SLC2A13: variants seen among roughly 807,000 people sequenced by gnomAD.
SLC2A13 encodes solute carrier family 2 member 13.
SLC2A13 carries 32 observed loss-of-function variants against 64.4 expected under a neutral mutation model. That is an observed-to-expected ratio of 0.50 (90% CI 0.37 to 0.67). The LOEUF is 0.67. SLC2A13 is among the 30% of genes least tolerant of loss of function. The pLI is 0.00. For missense variants in SLC2A13, 743 were observed against 829.2 expected (o/e 0.90, Z 1.28); for synonymous variants, 338 against 327.1 (o/e 1.03, Z -0.36).
At chr12:39,764,892 T>C (rs770073467) in intron 7 of SLC2A13, 34 bp from the exon 8 acceptor site, 4 of 1,598,000 alleles carry the variant, frequency 2.5e-6, no homozygotes, top group Non-Finnish European at 3.4e-6. Flanking sequence ...ATTAACTTAA[T>C]GTTTTTGACT....
At chr12:40,048,950 T>C (rs1447805145) in intron 1 of SLC2A13, among the ~76,000 whole-genome samples, 1 of 152,146 alleles carries the variant, frequency 6.6e-6, no homozygotes, top group African/African-American at 2.4e-5. Context: ...GGGGATGAGA[T>C]TGTCCTTTTA....
intron 1 of SLC2A13, among the ~76,000 whole-genome samples, chr12:40,070,848 C>T (rs893274281): frequency 6.6e-6 from 1 of 152,108 alleles, no homozygotes; most frequent in Admixed American, 6.6e-5. Flanking sequence ...CTCTGTTTGG[C>T]GTTTTTGTCA....
At chr12:40,027,434 G>A (rs1482242195) in intron 3 of SLC2A13, among the ~76,000 whole-genome samples, 2 of 152,184 alleles carry the variant, frequency 1.3e-5, no homozygotes, top group African/African-American at 2.4e-5. Context: ...ATCAAGCCAC[G>A]TGTGGCTAAC....
chr12:40,075,968 G>A (rs1419084442), intron 1 of SLC2A13, among the ~76,000 whole-genome samples: 1 of 152,076 alleles, frequency 6.6e-6, no homozygotes, highest in Non-Finnish European at 1.5e-5. Context: ...CATTGCAAGT[G>A]TTTTCACTTT....
chr12:40,002,211 T>C (rs1947331449), intron 3 of SLC2A13, among the ~76,000 whole-genome samples: 1 of 152,256 alleles, frequency 6.6e-6, no homozygotes, highest in Non-Finnish European at 1.5e-5. Flanking sequence ...CTAAGAACTT[T>C]GTGTGCACTG....
chr12:40,038,530 G>A (rs1948026563), intron 2 of SLC2A13, among the ~76,000 whole-genome samples: 1 of 152,070 alleles, frequency 6.6e-6, no homozygotes, highest in South Asian at 2.1e-4. Flanking sequence ...AGGAGTTTAA[G>A]ACAAGCCTGG....
At chr12:40,072,125 A>C (rs1486777853) in intron 1 of SLC2A13, among the ~76,000 whole-genome samples, 1 of 151,970 alleles carries the variant, frequency 6.6e-6, no homozygotes, top group Non-Finnish European at 1.5e-5. Context: ...TTTAGCTCTA[A>C]ATTTTTTGCT....
At chr12:39,829,896 A>G in intron 7 of SLC2A13, 1 of 620,466 alleles carries the variant, frequency 1.6e-6, no homozygotes, top group Non-Finnish European at 2.7e-6. Context: ...GGGTCTCCAA[A>G]AGTCTAGGCC....
intron 7 of SLC2A13, among the ~76,000 whole-genome samples, chr12:39,786,995 T>A (rs1176747504): frequency 1.3e-5 from 2 of 151,928 alleles, no homozygotes; most frequent in Admixed American, 6.6e-5. Context: ...TTCTTTTTTT[T>A]AAAAAAATAA....
intron 2 of SLC2A13, among the ~76,000 whole-genome samples, chr12:40,031,454 C>T (rs1429828574): frequency 6.6e-6 from 1 of 152,202 alleles, no homozygotes; most frequent in Non-Finnish European, 1.5e-5. Context: ...AACTCCTGAT[C>T]TTGTGATCCG....
At chr12:40,039,431 T>A (rs1948046553) in intron 2 of SLC2A13, among the ~76,000 whole-genome samples, 1 of 152,228 alleles carries the variant, frequency 6.6e-6, no homozygotes, top group Non-Finnish European at 1.5e-5. Context: ...GTATACCATT[T>A]TGCTATTTGC....
At position 39,781,645 on chromosome 12, in the gene SLC2A13, T is replaced by A. The variant is rs78268566; in HGVS notation, c.1446-16787A>T. On this transcript the variant is annotated intron_variant, in intron 7 of 9. Transcript: ENST00000280871. ...ATTTATCCCTTATTCTTGCTATGAA[T>A]TTCCATATTATAGTCCAGAGCAACT... Among the ~76,000 whole-genome samples the A allele has an allele frequency of 8.8e-3, 1,335 of 152,354 alleles. 29 individuals carry two copies. The highest frequency in any genetic ancestry group is 0.03 in the African/African-American group (1,268 of 41,578).
chr12:40,088,408 T>C (rs910197855), intron 1 of SLC2A13, among the ~76,000 whole-genome samples: 17 of 152,208 alleles, frequency 1.1e-4, no homozygotes, highest in African/African-American at 3.1e-4. Flanking sequence ...ACTCAACTCT[T>C]TGTGGGGAGA....
chr12:39,829,608 T>C (rs1942798696), intron 7 of SLC2A13: 1 of 159,608 alleles, frequency 6.3e-6, no homozygotes, highest in Non-Finnish European at 1.4e-5. Context: ...AGGTGGGGTT[T>C]CACCATGTTG....
chr12:39,953,817 CA>C (rs1173920642), intron 3 of SLC2A13, among the ~76,000 whole-genome samples: 3 of 152,128 alleles, frequency 2.0e-5, no homozygotes, highest in Non-Finnish European at 4.4e-5. Context: ...CTGAACACCT[CA>C]TACTACCAAG....
At chr12:39,793,552 A>G (rs1941477479) in intron 7 of SLC2A13, among the ~76,000 whole-genome samples, 1 of 152,156 alleles carries the variant, frequency 6.6e-6, no homozygotes, top group Non-Finnish European at 1.5e-5. Flanking sequence ...AGTACTTGGA[A>G]ATGACTTCTG....
intron 3 of SLC2A13, among the ~76,000 whole-genome samples, chr12:39,990,441 A>C (rs1417647506): frequency 6.6e-6 from 1 of 152,210 alleles, no homozygotes; most frequent in Non-Finnish European, 1.5e-5. Flanking sequence ...CCTCTGAGTA[A>C]GAGTTCTTCT....
chr12:39,818,326 G>C (rs5000584), intron 7 of SLC2A13, among the ~76,000 whole-genome samples: 2 of 17,764 alleles, frequency 1.1e-4, no homozygotes, highest in African/African-American at 1.1e-3. Context: ...AATACTGATC[G>C]GTACCTTCTT....
At chr12:40,058,692 A>C (rs1010999037) in intron 1 of SLC2A13, among the ~76,000 whole-genome samples, 1 of 152,190 alleles carries the variant, frequency 6.6e-6, no homozygotes, top group Non-Finnish European at 1.5e-5. Flanking sequence ...GGCAGGCACT[A>C]ATTATGGTGA....
Sources: allele counts gnomAD v4.1 joint callset (sites outside exome capture counted in the v4.1 genomes callset), GRCh38; gene constraint gnomAD v4.1.1; transcripts MANE v1.5; gene names NCBI Gene and HGNC (gene_info 2026-07-23, HGNC 2026-07-21).